The following MAGI1 variants were observed in gnomAD, a reference collection of about 807,000 sequenced individuals.
The protein encoded by MAGI1 is membrane associated guanylate kinase, WW and PDZ domain containing 1.
Under a neutral mutation model 139.9 loss-of-function variants are expected in MAGI1, and 58 were observed. That is an observed-to-expected ratio of 0.41 (90% confidence interval 0.34 to 0.52). The LOEUF (loss-of-function observed/expected upper bound fraction) is 0.52, where lower values mean the gene tolerates loss of function less well. MAGI1 is among the 20% of genes least tolerant of loss of function. The pLI, the probability that MAGI1 is intolerant of heterozygous loss-of-function variation, is 0.12. For missense variants in MAGI1, 1,874 were observed against 1,901.6 expected (o/e 0.99, Z 0.27); for synonymous variants, 812 against 737.9 (o/e 1.10, Z -1.63).
chr3:65,926,976 C>G (rs2062559626), intron 1 of MAGI1, among the ~76,000 whole-genome samples: 2 of 152,150 alleles, frequency 1.3e-5, no homozygotes, highest in South Asian at 4.1e-4. Flanking sequence ...GCCTGGGCAA[C>G]AAGAGTGAAA....
At chr3:65,734,747 G>C (rs1282160346) in intron 1 of MAGI1, among the ~76,000 whole-genome samples, 2 of 151,856 alleles carry the variant, frequency 1.3e-5, no homozygotes, top group Non-Finnish European at 2.9e-5. Context: ...AACAATAAGC[G>C]AGTCCTCTTG....
Position 65,921,934 on chromosome 3 carries a change from A to T in MAGI1, c.313+116062T>A, listed in dbSNP as rs1039615103. On this transcript the variant is annotated intron_variant, in intron 1 of 22. Transcript: ENST00000402939. ...CCACACACACGACACACACACACAC[A>T]CACACACACACACACACACACTACA... 1.5e-4 allele frequency among the ~76,000 whole-genome samples: 22 copies of T among 151,676 alleles called. 1 individual carries two copies. The highest frequency in any genetic ancestry group is 3.9e-4 in the East Asian group (2 of 5,108).
chr3:65,539,175 C>CCAT (rs952075895), intron 2 of MAGI1, among the ~76,000 whole-genome samples: 1 of 152,062 alleles, frequency 6.6e-6, no homozygotes, highest in African/African-American at 2.4e-5. Flanking sequence ...ATATCAAGTA[C>CCAT]CATCAAACAG....
At chr3:65,727,121 G>A (rs138384646) in intron 1 of MAGI1, among the ~76,000 whole-genome samples, 1 of 152,256 alleles carries the variant, frequency 6.6e-6, no homozygotes, top group Non-Finnish European at 1.5e-5. Flanking sequence ...GTAGGAAGTA[G>A]TGAGACAAAG....
At position 65,643,986 on chromosome 3, in the gene MAGI1, G is replaced by A. The variant is rs369154352; in HGVS notation, c.314-21898C>T. 3.4e-4 allele frequency among the ~76,000 whole-genome samples: 51 copies of A among 152,132 alleles called. 1 individual carries two copies. In the East Asian group the frequency reaches 7.9e-3, roughly 24 times the overall value. On this transcript the variant is annotated intron_variant, in intron 1 of 22. Transcript: ENST00000402939. ...TCCCCACATCCCCTCTTCCTTATCC[G>A]CTCTTCATCATCTTTGGAGACCCCA...
At chr3:65,394,119 T>G (rs1373442069) in intron 13 of MAGI1, among the ~76,000 whole-genome samples, 1 of 152,150 alleles carries the variant, frequency 6.6e-6, no homozygotes, top group Admixed American at 6.5e-5. Flanking sequence ...TGTCCCAGTA[T>G]AAGAAATCCC....
At chr3:65,960,425 A>T (rs2064366721) in intron 1 of MAGI1, among the ~76,000 whole-genome samples, 1 of 152,156 alleles carries the variant, frequency 6.6e-6, no homozygotes, top group Non-Finnish European at 1.5e-5. Context: ...GGGTTTTGAC[A>T]TCTTGGGGGA....
intron 12 of MAGI1, among the ~76,000 whole-genome samples, chr3:65,414,317 G>A (rs891219084): frequency 6.6e-6 from 1 of 152,168 alleles, no homozygotes; most frequent in African/African-American, 2.4e-5. Context: ...GGGTTACCCC[G>A]ATAACTTATA....
intron 2 of MAGI1, among the ~76,000 whole-genome samples, chr3:65,519,335 GACACACACACACACACACACACACAC>G (rs35232258): frequency 0.24 from 32,928 of 139,148 alleles, 3,860 homozygotes; most frequent in Middle Eastern, 0.28. Context: ...ATCATGATCT[GACACACACACACACACACACACACAC>G]ACACACACAC....
chr3:65,859,986 C>A (rs1303997770), intron 1 of MAGI1, among the ~76,000 whole-genome samples: 2 of 151,612 alleles, frequency 1.3e-5, no homozygotes, highest in African/African-American at 4.8e-5. Context: ...ACCTCTGCCT[C>A]CGGGGTTCAA....
chr3:65,443,334 C>T (rs145261247), intron 7 of MAGI1, among the ~76,000 whole-genome samples: 126 of 152,292 alleles, frequency 8.3e-4, no homozygotes, highest in African/African-American at 2.8e-3. Context: ...AATGAAAATG[C>T]AGTTGGGTTT....
rs1004568381 is a variant in MAGI1 at position 65,688,095 on chromosome 3, A to G, written c.314-66007T>C. On this transcript the variant is annotated intron_variant, in intron 1 of 22. Coordinates refer to ENST00000402939, the MANE Select transcript of MAGI1 (RefSeq NM_001033057.2). ...CAACAGACAGCCTTTGGCCCTGAAC[A>G]CTGCACATAGGTGTTGCTTGCAGAT... 53 of 760,432 alleles carry G rather than the reference A, an allele frequency of 7.0e-5. 1 individual carries two copies. Among genetic ancestry groups the G allele is most frequent in the South Asian group, 9.4e-5 (7 of 74,590 alleles). The allele number at this position is 760,432 out of a possible 1,614,324, so 47.1% of individuals were successfully genotyped here.
At chr3:65,549,261 A>C (rs1283380052) in intron 2 of MAGI1, 3 of 307,316 alleles carry the variant, frequency 9.8e-6, no homozygotes, top group Non-Finnish European at 1.4e-5. Context: ...CGGCGCGGCC[A>C]CTTCCTCGCC....
intron 18 of MAGI1, among the ~76,000 whole-genome samples, chr3:65,370,425 T>C (rs965040782): frequency 1.4e-4 from 22 of 152,312 alleles, no homozygotes; most frequent in Admixed American, 6.5e-4. Context: ...CAGCAGAACA[T>C]GTATTGCCTT....
intron 14 of MAGI1, among the ~76,000 whole-genome samples, chr3:65,388,138 C>T (rs1943596583): frequency 6.6e-6 from 1 of 152,096 alleles, no homozygotes; most frequent in African/African-American, 2.4e-5. Flanking sequence ...AACATTGAAA[C>T]CCTTCAAAAG....
chr3:65,780,889 G>A (rs2038875838), intron 1 of MAGI1, among the ~76,000 whole-genome samples: 1 of 152,160 alleles, frequency 6.6e-6, no homozygotes, highest in Non-Finnish European at 1.5e-5. Context: ...TGATTTTTCT[G>A]TTTTATGTTT....
At chr3:65,614,590 A>C (rs1240634592) in intron 2 of MAGI1, among the ~76,000 whole-genome samples, 1 of 152,196 alleles carries the variant, frequency 6.6e-6, no homozygotes, top group African/African-American at 2.4e-5. Context: ...TTTTTAAATT[A>C]GAAAGCATGG....
intron 2 of MAGI1, among the ~76,000 whole-genome samples, chr3:65,518,519 G>A (rs1393645637): frequency 1.3e-5 from 2 of 152,094 alleles, no homozygotes; most frequent in Non-Finnish European, 2.9e-5. Flanking sequence ...GTAGGAGATG[G>A]GAATTAGTAG....
intron 12 of MAGI1, among the ~76,000 whole-genome samples, chr3:65,416,153 A>G (rs1248710069): frequency 2.0e-5 from 3 of 152,230 alleles, no homozygotes; most frequent in African/African-American, 7.2e-5. Flanking sequence ...ACTATAAGAA[A>G]GCTTTTTAAA....
Sources: allele counts gnomAD v4.1 joint callset (sites outside exome capture counted in the v4.1 genomes callset), GRCh38; gene constraint gnomAD v4.1.1; transcripts MANE v1.5; gene names NCBI Gene and HGNC (gene_info 2026-07-23, HGNC 2026-07-21).